Variants in AFG2B observed in about 807,000 individuals in gnomAD.
AFG2B encodes the protein ATPase family gene 2 protein homolog B.
the AFG2B span, chr15:45,407,357 A>C: frequency 1.3e-5 from 7 of 549,254 alleles, no homozygotes; most frequent in Non-Finnish European, 1.8e-5. Context: ...AAGGATTAGA[A>C]CTGTAGTTTA....
At chr15:45,413,022 A>G in the AFG2B span, among the ~76,000 whole-genome samples, 1 of 152,216 alleles carries the variant, frequency 6.6e-6, no homozygotes, top group Non-Finnish European at 1.5e-5. Context: ...TTTTGAGTCC[A>G]TGGATAAGAG....
chr15:45,405,970 T>C, the AFG2B span, among the ~76,000 whole-genome samples: 4 of 152,116 alleles, frequency 2.6e-5, no homozygotes, highest in Non-Finnish European at 5.9e-5. Context: ...TATACATATA[T>C]ATAATGAAAT....
At chr15:45,405,097 A>G in the AFG2B span, among the ~76,000 whole-genome samples, 2 of 152,060 alleles carry the variant, frequency 1.3e-5, no homozygotes, top group African/African-American at 2.4e-5. Flanking sequence ...ATTGTTAACT[A>G]TAGTCACCCT....
chr15:45,418,679 A>G, the AFG2B span: 1 of 1,595,788 alleles, frequency 6.3e-7, no homozygotes. Context: ...ACCTCTGCAC[A>G]GAAGTAAGTT....
the AFG2B span, chr15:45,418,832 T>G: frequency 3.7e-6 from 4 of 1,091,058 alleles, no homozygotes; most frequent in Non-Finnish European, 5.1e-6. Context: ...CAGCTTATTG[T>G]AAGTGTGGGG....
chr15:45,414,690 G>A, the AFG2B span: 2 of 1,614,154 alleles, frequency 1.2e-6, no homozygotes, highest in East Asian at 2.2e-5. Context: ...TGAGGGCCCT[G>A]GCCACAAGCT....
chr15:45,402,684 C>T, the AFG2B span: 2 of 1,574,044 alleles, frequency 1.3e-6, no homozygotes, highest in South Asian at 1.1e-5. Context: ...GGGCGGCGGT[C>T]GGGGCGTCGA....
At chr15:45,421,292 T>G in the AFG2B span, 2 of 992,468 alleles carry the variant, frequency 2.0e-6, no homozygotes, top group Non-Finnish European at 2.8e-6. Context: ...CTTTTAGAAT[T>G]TGTGTTTATA....
chr15:45,420,993 A>G, the AFG2B span: 2 of 1,577,072 alleles, frequency 1.3e-6, no homozygotes, highest in Non-Finnish European at 1.7e-6. Context: ...ACTCCATCTC[A>G]AAGAAAAAAA....
At chr15:45,407,199 C>T in the AFG2B span, 1 of 1,248,066 alleles carries the variant, frequency 8.0e-7, no homozygotes, top group Non-Finnish European at 1.0e-6. Context: ...AGGCAAAAAG[C>T]ATGAAGGGAC....
At chr15:45,407,290 A>G in the AFG2B span, 1 of 1,113,908 alleles carries the variant, frequency 9.0e-7, no homozygotes, top group Non-Finnish European at 1.1e-6. Flanking sequence ...TCCCTGTACC[A>G]GGGCAGATAA....
At chr15:45,402,673 G>A in the AFG2B span, 28 of 1,576,938 alleles carry the variant, frequency 1.8e-5, no homozygotes, top group African/African-American at 3.7e-4. Context: ...CGCGAGCCCC[G>A]GGGCGGCGGT....
At chr15:45,420,012 A>C in the AFG2B span, among the ~76,000 whole-genome samples, 23 of 147,604 alleles carry the variant, frequency 1.6e-4, no homozygotes, top group Non-Finnish European at 3.4e-4. Flanking sequence ...AAAAAAAAAA[A>C]AACAAAAAAC....
the AFG2B span, among the ~76,000 whole-genome samples, chr15:45,406,023 A>C: frequency 1.3e-5 from 2 of 152,152 alleles, no homozygotes; most frequent in Admixed American, 6.6e-5. Flanking sequence ...TTACCCGCGA[A>C]AACGTAAGTG....
At chr15:45,403,661 G>A in the AFG2B span, 3 of 1,023,642 alleles carry the variant, frequency 2.9e-6, no homozygotes, top group African/African-American at 5.1e-5. Context: ...CAGAGAACAC[G>A]TTCTCTGCCG....
chr15:45,416,423 G>T, the AFG2B span, among the ~76,000 whole-genome samples: 3 of 152,224 alleles, frequency 2.0e-5, no homozygotes, highest in Non-Finnish European at 4.4e-5. Context: ...TTCTCCAGAT[G>T]AGTTTGGTAT....
chr15:45,403,487 C>T, the AFG2B span: 4 of 1,605,822 alleles, frequency 2.5e-6, no homozygotes, highest in African/African-American at 1.4e-5. Flanking sequence ...CTAGACCCAG[C>T]GCTGCGTAGG....
the AFG2B span, chr15:45,403,198 G>A: frequency 2.7e-6 from 4 of 1,468,098 alleles, no homozygotes; most frequent in South Asian, 2.8e-5. Context: ...CGTGGCGCGC[G>A]AGGCGGGCGC....
At chr15:45,413,199 T>G in the AFG2B span, among the ~76,000 whole-genome samples, 13 of 152,150 alleles carry the variant, frequency 8.5e-5, no homozygotes, top group African/African-American at 3.1e-4. Context: ...CCTTAAATGT[T>G]AGTGCTCAAG....
Sources: gnomAD v4.1 joint callset for allele counts (sites outside exome capture counted in the v4.1 genomes callset) on GRCh38, gnomAD v4.1.1 for gene constraint, MANE v1.5 for transcripts, NCBI Gene and HGNC (gene_info 2026-07-23, HGNC 2026-07-21) for gene names.